The following AUTS2 variants were observed in gnomAD, a reference collection of about 807,000 sequenced individuals.
AUTS2 encodes autism susceptibility gene 2 protein.
A neutral mutation model predicts 112.4 loss-of-function variants in AUTS2; 17 were observed. The observed-to-expected ratio is 0.15, with a 90% CI of 0.10 to 0.23. The LOEUF is 0.23. Among genes scored for constraint, AUTS2 ranks in the 10% least tolerant of loss-of-function variants. The pLI is 1.00. For synonymous variants in AUTS2, 751 were observed against 702.7 expected, an observed-to-expected ratio of 1.07 and a Z score of -1.09; for missense variants, 1,510 against 1,701.6, an observed-to-expected ratio of 0.89 and a Z score of 1.98.
chr7:69,740,009 A>G (rs1413121142), intron 1 of AUTS2, among the ~76,000 whole-genome samples: 1 of 152,206 alleles, frequency 6.6e-6, no homozygotes, highest in African/African-American at 2.4e-5. Flanking sequence ...GACTTACTCA[A>G]GTTTGAGACT....
intron 4 of AUTS2, among the ~76,000 whole-genome samples, chr7:70,279,085 A>G (rs752424175): frequency 1.3e-4 from 20 of 152,208 alleles, no homozygotes; most frequent in African/African-American, 7.2e-5. Flanking sequence ...GGGATTTTGT[A>G]TACCTTTGGG....
intron 5 of AUTS2, among the ~76,000 whole-genome samples, chr7:70,674,144 C>T (rs770361507): frequency 1.3e-5 from 2 of 152,088 alleles, no homozygotes; most frequent in Non-Finnish European, 1.5e-5. Context: ...GGCTCTGCTC[C>T]GTGGATGTGC....
At chr7:70,600,512 G>C (rs1228375685) in intron 5 of AUTS2, among the ~76,000 whole-genome samples, 1 of 152,234 alleles carries the variant, frequency 6.6e-6, no homozygotes, top group Non-Finnish European at 1.5e-5. Flanking sequence ...CTGACCTGAA[G>C]TGATCTGCCC....
At chr7:70,252,256 C>T (rs1786640892) in intron 4 of AUTS2, among the ~76,000 whole-genome samples, 1 of 152,126 alleles carries the variant, frequency 6.6e-6, no homozygotes, top group South Asian at 2.1e-4. Context: ...GAACAATGCA[C>T]AAGGGTTCTC....
intron 5 of AUTS2, among the ~76,000 whole-genome samples, chr7:70,439,400 G>C (rs766074840): frequency 6.6e-6 from 1 of 152,020 alleles, no homozygotes; most frequent in Admixed American, 6.5e-5. Context: ...TTAGCCGGGC[G>C]TGGTAGCACG....
At chr7:70,561,456 CT>C (rs1434811817) in intron 5 of AUTS2, among the ~76,000 whole-genome samples, 2 of 152,146 alleles carry the variant, frequency 1.3e-5, no homozygotes, top group Admixed American at 6.5e-5. Flanking sequence ...AAGATCCTGT[CT>C]CTACAAAAAT....
At chr7:69,627,433 G>A (rs1211871855) in intron 1 of AUTS2, among the ~76,000 whole-genome samples, 1 of 152,096 alleles carries the variant, frequency 6.6e-6, no homozygotes. Context: ...GGAGGTTGCG[G>A]TGAACTGAGA....
intron 2 of AUTS2, among the ~76,000 whole-genome samples, chr7:70,084,788 C>T (rs1041379566): frequency 1.3e-5 from 2 of 152,128 alleles, no homozygotes; most frequent in African/African-American, 2.4e-5. Flanking sequence ...ATATGGTATA[C>T]AAATATTTGC....
chr7:70,126,767 A>G (rs1473116382), intron 3 of AUTS2, among the ~76,000 whole-genome samples: 1 of 152,202 alleles, frequency 6.6e-6, no homozygotes, highest in Non-Finnish European at 1.5e-5. Flanking sequence ...CCAAGATTTA[A>G]TAGAAGTTCT....
chr7:70,548,883 T>C (rs1260307956), intron 5 of AUTS2, among the ~76,000 whole-genome samples: 1 of 151,924 alleles, frequency 6.6e-6, no homozygotes, highest in Non-Finnish European at 1.5e-5. Context: ...TTGTGTCCTT[T>C]GCATTTCCAT....
chr7:70,325,770 A>G lies in AUTS2; in HGVS notation c.661-109982A>G, dbSNP rs146685824. Among the ~76,000 whole-genome samples, 336 of 152,284 alleles carry G rather than the reference A, an allele frequency of 2.2e-3. 1 individual carries two copies. Among genetic ancestry groups the G allele is most frequent in the African/African-American group, 7.7e-3 (322 of 41,556 alleles). On this transcript the variant is annotated intron_variant, in intron 4 of 18. Transcript: ENST00000342771. ...ATTGCATGTGGACAAGTTCAGAGCC[A>G]TCAGATCCACCTGAGAAAGGAGGCA...
chr7:70,645,785 A>G (rs1009764671), intron 5 of AUTS2, among the ~76,000 whole-genome samples: 2 of 152,164 alleles, frequency 1.3e-5, no homozygotes, highest in African/African-American at 4.8e-5. Flanking sequence ...ACAAATCATC[A>G]AGTCTCCCAG....
intron 5 of AUTS2, among the ~76,000 whole-genome samples, chr7:70,585,430 G>A (rs1802636198): frequency 6.6e-6 from 1 of 152,172 alleles, no homozygotes; most frequent in Non-Finnish European, 1.5e-5. Flanking sequence ...CTATTTGACT[G>A]ACCAGGAAAC....
rs372155050 is a variant in AUTS2 at position 70,680,328 on chromosome 7, T to C, written c.691-18241T>C. 4.6e-5 allele frequency among the ~76,000 whole-genome samples: 7 copies of C among 152,250 alleles called. No homozygotes were observed. The East Asian group carries it at 1.4e-3, about 29-fold the overall frequency. The stretch of plus-strand genomic sequence containing the variant: ...GGTGTGCATTTTAATGGTGAAGAAA[T>C]AGTTACCTGACTTACCCAAAGTCAT... On this transcript the variant is annotated intron_variant, in intron 5 of 18. Transcript: ENST00000342771.
intron 5 of AUTS2, among the ~76,000 whole-genome samples, chr7:70,444,426 G>C (rs984692885): frequency 2.6e-5 from 4 of 151,450 alleles, no homozygotes; most frequent in Non-Finnish European, 4.4e-5. Flanking sequence ...CTCCTGGATG[G>C]CAAGATAGTT....
At chr7:70,563,136 C>T (rs1461178283) in intron 5 of AUTS2, among the ~76,000 whole-genome samples, 4 of 152,126 alleles carry the variant, frequency 2.6e-5, no homozygotes, top group Admixed American at 6.5e-5. Context: ...AGCTCACTGT[C>T]ACCAAGCAGA....
chr7:69,845,926 G>A (rs956813717), intron 1 of AUTS2, among the ~76,000 whole-genome samples: 8 of 152,132 alleles, frequency 5.3e-5, no homozygotes, highest in African/African-American at 1.9e-4. Context: ...CTGGTTCTGG[G>A]CAGCCACTTG....
chr7:70,329,545 A>C (rs1452585851), intron 4 of AUTS2, among the ~76,000 whole-genome samples: 1 of 150,658 alleles, frequency 6.6e-6, no homozygotes, highest in Admixed American at 6.6e-5. Context: ...GCATCTTTTC[A>C]TGTTTTTTGG....
chr7:70,495,777 G>C (rs866120219), intron 5 of AUTS2, among the ~76,000 whole-genome samples: 43 of 34,088 alleles, frequency 1.3e-3, no homozygotes, highest in Admixed American at 2.2e-3. Context: ...CACGTACACA[G>C]TCACACACAC....
Sources: gnomAD v4.1 joint callset for allele counts (sites outside exome capture counted in the v4.1 genomes callset) on GRCh38, gnomAD v4.1.1 for gene constraint, MANE v1.5 for transcripts, NCBI Gene and HGNC (gene_info 2026-07-23, HGNC 2026-07-21) for gene names.